The following RBFOX1 variants were observed in gnomAD, a reference collection of about 807,000 sequenced individuals.
The protein encoded by RBFOX1 is RNA binding protein fox-1 homolog 1.
A neutral mutation model predicts 57.7 loss-of-function variants in RBFOX1; 8 were observed. That is an observed-to-expected ratio of 0.14 (90% CI 0.08 to 0.25). The LOEUF is 0.25. RBFOX1 is among the 10% of genes least tolerant of loss of function. RBFOX1 has a pLI of 1.00. For missense variants in RBFOX1, 611 were observed against 548.5 expected (o/e 1.11, Z -1.14); for synonymous variants, 326 against 222.4 (o/e 1.47, Z -4.15).
At chr16:6,915,519 A>G (rs1392938814) in intron 3 of RBFOX1, among the ~76,000 whole-genome samples, 6 of 144,704 alleles carry the variant, frequency 4.1e-5, no homozygotes, top group Non-Finnish European at 6.0e-5. Flanking sequence ...AACAATAACT[A>G]TTTTTTCTAA....
chr16:7,041,000 C>A (rs1191664589), intron 3 of RBFOX1, among the ~76,000 whole-genome samples: 2 of 151,760 alleles, frequency 1.3e-5, no homozygotes, highest in African/African-American at 2.4e-5. Flanking sequence ...ATTGCAACGT[C>A]CACCTCCTGG....
chr16:5,876,395 TAGG>T (rs1294030667), intron 4 of RBFOX1, among the ~76,000 whole-genome samples: 5 of 152,120 alleles, frequency 3.3e-5, no homozygotes, highest in African/African-American at 4.8e-5. Context: ...ACAAATGTAA[TAGG>T]AGGGAAGTTG....
rs1249960018 is a variant in RBFOX1 at position 7,131,527 on chromosome 16, C to T, written c.27+79429C>T. On this transcript the variant is annotated intron_variant, in intron 4 of 15. Transcript: ENST00000550418. ...ACCTGAAAGGATGGAATAAACTCAC[C>T]ATAATCAACCTAGCTGGCAAGTGAT... Among the ~76,000 whole-genome samples the T allele has an allele frequency of 2.0e-5, 3 of 151,480 alleles. No homozygotes were observed. The East Asian group carries it at 5.9e-4, about 30-fold the overall frequency.
intron 3 of RBFOX1, among the ~76,000 whole-genome samples, chr16:6,886,916 G>T (rs749667352): frequency 1.3e-5 from 2 of 152,126 alleles, no homozygotes; most frequent in Non-Finnish European, 2.9e-5. Flanking sequence ...ATGAGGTCAG[G>T]TGTCTGTGGA....
chr16:7,368,746 C>G (rs2097512314), intron 4 of RBFOX1, among the ~76,000 whole-genome samples: 2 of 149,538 alleles, frequency 1.3e-5, no homozygotes, highest in African/African-American at 4.9e-5. Flanking sequence ...CGCCCCTGCA[C>G]TCCAGCCTGG....
chr16:5,515,082 G>T (rs754065044), intron 2 of RBFOX1, among the ~76,000 whole-genome samples: 1 of 152,178 alleles, frequency 6.6e-6, no homozygotes, highest in African/African-American at 2.4e-5. Flanking sequence ...TACAGAACAA[G>T]AACTCATTTA....
At chr16:5,248,924 G>T (rs1213136453) in intron 1 of RBFOX1, among the ~76,000 whole-genome samples, 1 of 145,294 alleles carries the variant, frequency 6.9e-6, no homozygotes, top group Non-Finnish European at 1.5e-5. Flanking sequence ...GGAGGTGGAG[G>T]TTGCAGTGAG....
intron 4 of RBFOX1, among the ~76,000 whole-genome samples, chr16:7,344,579 T>C (rs2096959077): frequency 6.6e-6 from 1 of 151,472 alleles, no homozygotes; most frequent in African/African-American, 2.4e-5. Flanking sequence ...ATATGTAATA[T>C]AAATGATAAT....
intron 2 of RBFOX1, among the ~76,000 whole-genome samples, chr16:6,327,867 G>A (rs535258437): frequency 6.6e-6 from 1 of 152,098 alleles, no homozygotes; most frequent in Non-Finnish European, 1.5e-5. Context: ...CAATCCCGTG[G>A]GTTACTGTTC....
chr16:6,590,608 G>C (rs1295422183), intron 2 of RBFOX1, among the ~76,000 whole-genome samples: 1 of 152,162 alleles, frequency 6.6e-6, no homozygotes, highest in African/African-American at 2.4e-5. Flanking sequence ...CTCAGCTTAA[G>C]AAGCTAAATT....
intron 2 of RBFOX1, among the ~76,000 whole-genome samples, chr16:5,504,742 A>T (rs946972014): frequency 1.3e-5 from 2 of 152,132 alleles, no homozygotes; most frequent in Non-Finnish European, 2.9e-5. Context: ...TGGGGAAGGA[A>T]CCCTCACCAG....
At chr16:5,657,891 C>T (rs1361634756) in intron 3 of RBFOX1, among the ~76,000 whole-genome samples, 2 of 151,748 alleles carry the variant, frequency 1.3e-5, no homozygotes, top group Non-Finnish European at 2.9e-5. Flanking sequence ...ACAACAACGC[C>T]AGGCTAATTT....
At chr16:7,382,356 G>T (rs964200613) in intron 4 of RBFOX1, among the ~76,000 whole-genome samples, 1 of 152,162 alleles carries the variant, frequency 6.6e-6, no homozygotes, top group African/African-American at 2.4e-5. Context: ...TTTAAAAAAT[G>T]TGACTTTAAG....
intron 3 of RBFOX1, among the ~76,000 whole-genome samples, chr16:6,880,253 G>A (rs114208014): frequency 1.1e-3 from 160 of 152,300 alleles, no homozygotes; most frequent in African/African-American, 3.7e-3. Context: ...AAGGGAAAGA[G>A]CAGAGTTAAC....
At chr16:5,455,013 TTC>T (rs2068583023) in intron 1 of RBFOX1, among the ~76,000 whole-genome samples, 1 of 115,780 alleles carries the variant, frequency 8.6e-6, no homozygotes, top group South Asian at 2.8e-4. Context: ...CTTTCTTTCT[TTC>T]TTTCTTTCTC....
At chr16:6,888,436 T>C (rs1016065744) in intron 3 of RBFOX1, among the ~76,000 whole-genome samples, 1 of 152,188 alleles carries the variant, frequency 6.6e-6, no homozygotes, top group South Asian at 2.1e-4. Context: ...CAGTGTTCTC[T>C]TTATATAGTC....
intron 4 of RBFOX1, among the ~76,000 whole-genome samples, chr16:7,084,084 T>G (rs745534067): frequency 6.6e-6 from 1 of 152,182 alleles, no homozygotes; most frequent in Non-Finnish European, 1.5e-5. Context: ...ATCAAACGTC[T>G]GCAAAGCATG....
chr16:7,551,857 C>G (rs1213252418), intron 5 of RBFOX1, among the ~76,000 whole-genome samples: 1 of 152,050 alleles, frequency 6.6e-6, no homozygotes, highest in African/African-American at 2.4e-5. Context: ...GATGGTATGG[C>G]CAAGATAGGT....
chr16:6,697,859 CA>C (rs1371009486), intron 3 of RBFOX1, among the ~76,000 whole-genome samples: 1 of 152,148 alleles, frequency 6.6e-6, no homozygotes, highest in Non-Finnish European at 1.5e-5. Context: ...CAGATCTGCC[CA>C]GACAGTAGAA....
Sources: allele counts gnomAD v4.1 joint callset (sites outside exome capture counted in the v4.1 genomes callset), GRCh38; gene constraint gnomAD v4.1.1; transcripts MANE v1.5; gene names NCBI Gene and HGNC (gene_info 2026-07-23, HGNC 2026-07-21).